OPHN1: variants seen among roughly 807,000 people sequenced by gnomAD.
OPHN1 encodes oligophrenin-1.
In OPHN1, 11 loss-of-function variants were observed where a neutral mutation model predicts 60.7. The observed-to-expected ratio is 0.18, with a 90% CI of 0.11 to 0.30. OPHN1 has a LOEUF of 0.30. Ranked by LOEUF, OPHN1 falls within the 10% of genes least tolerant of loss-of-function variation. The pLI is 1.00. For missense variants in OPHN1, 449 were observed against 611.0 expected (o/e 0.73, Z 2.80); for synonymous variants, 226 against 222.6 (o/e 1.02, Z -0.14).
intron 2 of OPHN1, among the ~76,000 whole-genome samples, chrX:68,415,376 G>A (rs1194186756): frequency 8.9e-6 from 1 of 111,904 alleles, no homozygotes; most frequent in Non-Finnish European, 1.9e-5. Flanking sequence ...TTAAGAGTCA[G>A]GGAAGCAGAG....
At chrX:68,377,405 T>A (rs972453834) in intron 2 of OPHN1, among the ~76,000 whole-genome samples, 1 of 107,991 alleles carries the variant, frequency 9.3e-6, no homozygotes, top group African/African-American at 3.4e-5. Flanking sequence ...CTTCTCTTTT[T>A]TTTTATTTTT....
At chrX:68,414,479 T>G (rs2078784344) in intron 2 of OPHN1, among the ~76,000 whole-genome samples, 1 of 112,338 alleles carries the variant, frequency 8.9e-6, no homozygotes, top group African/African-American at 3.2e-5. Flanking sequence ...ATTAAGTTAT[T>G]AATTACTACA....
At chrX:68,182,014 T>G (rs2077439157) in intron 15 of OPHN1, among the ~76,000 whole-genome samples, 1 of 110,810 alleles carries the variant, frequency 9.0e-6, no homozygotes, top group South Asian at 3.9e-4. Flanking sequence ...GAAGGCAAAT[T>G]AACTATCAAA....
chrX:68,096,962 G>T lies in OPHN1; in HGVS notation c.1594C>A (p.Leu532Met). The change falls in exon 19 of 25, where the codon CTG becomes ATG. Residue 532 changes from leucine (L) to methionine (M), a missense_variant. Leu to Met is a conservative substitution (Grantham distance 15). This residue lies in a region of OPHN1 where 166 missense variants were observed against 278.4 expected (regional missense o/e 0.60). Coordinates refer to ENST00000355520, the MANE Select transcript of OPHN1 (RefSeq NM_002547.3). Reference sequence around the variant, plus strand: ...ACAGTGTCCTCCTGAGCTCTCATCAGGGTGGGCCCAAAGATTACTCCCATG... The same window carrying T: ...ACAGTGTCCTCCTGAGCTCTCATCATGGTGGGCCCAAAGATTACTCCCATG... ...SNMGVIFGPT[L>M]MRAQEDTVAA... is the part of the protein sequence containing the mutation. 1 of 1,210,447 alleles carries T rather than the reference G, an allele frequency of 8.3e-7. No homozygotes were observed. Among genetic ancestry groups the T allele is most frequent in the Non-Finnish European group, 1.1e-6 (1 of 894,669 alleles).
At chrX:68,291,168 A>T in intron 3 of OPHN1, among the ~76,000 whole-genome samples, 1 of 111,606 alleles carries the variant, frequency 9.0e-6, no homozygotes, top group Non-Finnish European at 1.9e-5. Context: ...TATAAGGGTC[A>T]TTGCTATGGA....
intron 15 of OPHN1, among the ~76,000 whole-genome samples, chrX:68,185,934 T>A (rs1244025776): frequency 9.0e-6 from 1 of 111,346 alleles, no homozygotes; most frequent in African/African-American, 3.3e-5. Flanking sequence ...AGTTAATATA[T>A]TCTCCTTATA....
At chrX:68,348,815 G>A (rs1436210925) in intron 2 of OPHN1, among the ~76,000 whole-genome samples, 1 of 111,637 alleles carries the variant, frequency 9.0e-6, no homozygotes, top group Non-Finnish European at 1.9e-5. Context: ...ATAAGGAGAT[G>A]TTCACACAGG....
At chrX:68,392,305 G>A (rs375041124) in intron 2 of OPHN1, among the ~76,000 whole-genome samples, 3 of 111,470 alleles carry the variant, frequency 2.7e-5, no homozygotes, top group Non-Finnish European at 3.8e-5. Context: ...TAAGAATACC[G>A]TATATAATAC....
chrX:68,201,753 C>A lies in OPHN1; in HGVS notation c.934-43G>T, dbSNP rs779143150. 30 of 1,079,279 alleles carry A rather than the reference C, an allele frequency of 2.8e-5. No individual in the cohort carries two copies. In the South Asian group the frequency reaches 5.2e-4, roughly 19 times the overall value. The allele number at this position is 1,079,279 out of a possible 1,213,427, so 88.9% of individuals were successfully genotyped here. A position where few individuals can be genotyped will look rare whatever the true frequency, so the allele number is the denominator to read the frequency against. On this transcript the variant is annotated intron_variant, in intron 10 of 24. Transcript: ENST00000355520. ...TTAACAGGCAATTTTTAAAAAAAGA[C>A]ACAGAAGCTGTTTCTGCTTCCTACA...
At chrX:68,287,273 A>G (rs9780159) in intron 3 of OPHN1, among the ~76,000 whole-genome samples, 3 of 97,796 alleles carry the variant, frequency 3.1e-5, no homozygotes, top group East Asian at 3.4e-4. Flanking sequence ...AAAAGAGAAG[A>G]GAAGGGAAGG....
At position 68,292,633 on chromosome X, in the gene OPHN1, A is replaced by T. The variant is rs908927955; in HGVS notation, c.250+6368T>A. Among the ~76,000 whole-genome samples the T allele has an allele frequency of 4.5e-5, 5 of 111,369 alleles. No homozygotes were observed. In the South Asian group the frequency reaches 1.9e-3, roughly 42 times the overall value. On this transcript the variant is annotated intron_variant, in intron 3 of 24. Coordinates refer to ENST00000355520, the MANE Select transcript of OPHN1 (RefSeq NM_002547.3). Reference sequence around the variant, plus strand: ...ATCAGCTCCTAGGCTCAAGTGAGTCACTCACATTTGCCTTCCAAAGTGCTG... The same window carrying T: ...ATCAGCTCCTAGGCTCAAGTGAGTCTCTCACATTTGCCTTCCAAAGTGCTG...
chrX:68,310,073 T>C (rs1343504692), intron 2 of OPHN1, among the ~76,000 whole-genome samples: 5 of 112,371 alleles, frequency 4.4e-5, no homozygotes, highest in African/African-American at 1.6e-4. Flanking sequence ...CACAGGTACC[T>C]AACCCTGTAT....
intron 2 of OPHN1, among the ~76,000 whole-genome samples, chrX:68,308,974 A>T (rs897301782): frequency 1.4e-4 from 15 of 109,888 alleles, no homozygotes; most frequent in African/African-American, 4.6e-4. Flanking sequence ...TCTTGTAGAG[A>T]CAGGGTCACA....
At chrX:68,406,960 T>C (rs1187301422) in intron 2 of OPHN1, among the ~76,000 whole-genome samples, 2 of 112,292 alleles carry the variant, frequency 1.8e-5, no homozygotes, top group Non-Finnish European at 3.8e-5. Flanking sequence ...TCCCAGCACT[T>C]TGGGAGGACA....
Position 68,197,199 on chromosome X carries a change from T to A in OPHN1, c.1091A>T (p.Asp364Val). ...ANRRLWMEAM[D>V]GKEPIYHSPI... is the part of the protein sequence containing the mutation. ...CAGGTAACTTACAGGTTCTTTCCCA[T>A]CCATGGCTTCCATCCATAGCCTTCT... is the stretch of plus-strand genomic sequence containing the variant. Residue 364 changes from aspartate to valine, a missense_variant, in exon 12 of 25, where the codon GAT (aspartate) becomes GTT (valine). Asp to Val is a radical substitution (Grantham distance 152, BLOSUM62 -3). This residue lies in a region of OPHN1 where 166 missense variants were observed against 278.4 expected (regional missense o/e 0.60). Coordinates refer to ENST00000355520, the MANE Select transcript of OPHN1 (RefSeq NM_002547.3). 1.7e-6 allele frequency: 2 copies of A among 1,208,047 alleles called. No homozygotes were observed. The highest frequency in any genetic ancestry group is 2.2e-6 in the Non-Finnish European group (2 of 892,762).
rs758008359 is a variant in OPHN1, at chrX:68,422,725, AAGG to A, written c.154+10139_154+10141del. Among the ~76,000 whole-genome samples the A allele has an allele frequency of 8.3e-3, 596 of 72,194 alleles. 9 individuals carry two copies. The highest frequency in any genetic ancestry group is 0.027 in the South Asian group (31 of 1,160). The allele number at this position is 72,194 out of a possible 115,157, so 62.7% of individuals were successfully genotyped here. ...AGAGAGAGAGAGAAAGAAAGAAAGGAAGGAAGGAAGGAAGGAAGGAAGGATGAA... is the reference window on the plus strand; with the variant it reads ...AGAGAGAGAGAGAAAGAAAGAAAGGAAAGGAAGGAAGGAAGGAAGGATGAA... On this transcript the variant is annotated intron_variant, in intron 2 of 24. Transcript: ENST00000355520.
intron 2 of OPHN1, among the ~76,000 whole-genome samples, chrX:68,371,954 A>G (rs1389599176): frequency 8.9e-6 from 1 of 111,863 alleles, no homozygotes; most frequent in African/African-American, 3.3e-5. Flanking sequence ...CATGTTGGCC[A>G]GGCTGGTCTC....
At chrX:68,202,254 C>T (rs1421949944) in intron 10 of OPHN1, among the ~76,000 whole-genome samples, 1 of 111,662 alleles carries the variant, frequency 9.0e-6, no homozygotes. Flanking sequence ...CCAAAGGTAG[C>T]GCAAAAGTAG....
chrX:68,149,074 G>T (rs1436289658), intron 15 of OPHN1, among the ~76,000 whole-genome samples: 1 of 111,181 alleles, frequency 9.0e-6, no homozygotes, highest in Non-Finnish European at 1.9e-5. Context: ...CAGATACTTT[G>T]TCAGAATTCC....
Sources: allele counts gnomAD v4.1 joint callset (sites outside exome capture counted in the v4.1 genomes callset), GRCh38; gene constraint gnomAD v4.1.1; regional missense constraint gnomAD v4.1.1; transcripts MANE v1.5; gene names NCBI Gene and HGNC (gene_info 2026-07-23, HGNC 2026-07-21).